Variants in CR1 observed in about 807,000 individuals in gnomAD.
CR1 encodes the protein complement receptor type 1.
In CR1, 116 loss-of-function variants were observed where a neutral mutation model predicts 187.3. That is an observed-to-expected ratio of 0.62 (90% CI 0.53 to 0.72). The LOEUF (loss-of-function observed/expected upper bound fraction) is 0.72. Ranked by LOEUF, CR1 falls within the 30% of genes least tolerant of loss-of-function variation. The pLI is 0.00. For synonymous variants in CR1, 576 were observed against 747.1 expected (o/e 0.77, Z 3.73); for missense variants, 1,731 against 2,110.7 (o/e 0.82, Z 3.52).
rs188734676 is a variant in CR1, at chr1:207,564,684, C to G, written c.3866+450C>G. On this transcript the variant is annotated intron_variant, in intron 23 of 46. Transcript: ENST00000367049. ...GGTTTGGTGGCATGTGCCTGTAATC[C>G]CAGCTACTCCGGAGGCTGAGGCACC... Among the ~76,000 whole-genome samples, 20 of 149,958 alleles carry G rather than the reference C, an allele frequency of 1.3e-4. 1 individual carries two copies. The highest frequency in any genetic ancestry group is 9.2e-4 in the Admixed American group (14 of 15,228).
chr1:207,506,868 C>G, intron 3 of CR1, 55 bp downstream of exon 3: 1 of 1,385,896 alleles, frequency 7.2e-7, no homozygotes. Context: ...CTAACACAGC[C>G]TTACTACCTT....
rs1413867879 is a variant in CR1 at position 207,511,569 on chromosome 1, A to G, written c.402A>G (p.Gly134=). Residue 134 remains glycine, a splice_region_variant and synonymous_variant, in exon 4 of 47, where the codon GGA becomes GGG. Transcript: ENST00000367049. ...GSQIKYSCTK[G]YRLIGSSSAT... The stretch of plus-strand genomic sequence containing the variant: ...AACATTCCTTATTTTTTGCCTCTAG[A>G]TACCGACTCATTGGTTCCTCGTCTG... The G allele has an allele frequency of 6.2e-7, 1 of 1,612,656 alleles. No individual in the cohort carries two copies. Among genetic ancestry groups the G allele is most frequent in the Non-Finnish European group, 8.5e-7 (1 of 1,179,014 alleles).
intron 1 of CR1, 60 bp from the exon 2 acceptor site, chr1:207,505,842 GAA>G (rs55717835): frequency 4.4e-5 from 63 of 1,430,416 alleles, no homozygotes; most frequent in Non-Finnish European, 5.6e-5. Flanking sequence ...TCTCAAAAAA[GAA>G]AAAAAAAAGT....
In CR1 at chr1:207,567,959, T is replaced by G. The variant is rs781556299; in HGVS notation, c.4088T>G (p.Ile1363Ser). The G allele has an allele frequency of 6.2e-7, 1 of 1,610,218 alleles. No homozygotes were observed. Among genetic ancestry groups the G allele is most frequent in the Admixed American group, 1.7e-5 (1 of 59,904 alleles). Residue 1363 changes from isoleucine (I) to serine (S), a missense_variant, in exon 25 of 47, where the codon ATT (isoleucine) becomes AGT (serine). Ile to Ser is a moderately radical substitution (Grantham distance 142). Around this residue, in one of 5 missense-constraint regions of CR1, gnomAD observed 1,312 missense variants for 1,379.6 expected, o/e 0.95. Coordinates refer to ENST00000367049, the MANE Select transcript of CR1 (RefSeq NM_000651.6). ...HPDRGTSFDL[I>S]GESTIRCTSD... ...GACAGAGGGACGAGCTTCGACCTCA[T>G]TGGAGAGAGCACCATCCGCTGCACA...
intron 41 of CR1, among the ~76,000 whole-genome samples, 154 bp downstream of exon 41, chr1:207,616,956 A>C (rs1662118156): frequency 6.6e-6 from 1 of 152,178 alleles, no homozygotes; most frequent in African/African-American, 2.4e-5. Flanking sequence ...CAAACGGGTT[A>C]TAGATAGGCA....
chr1:207,587,430 A>T lies in CR1; in HGVS notation c.5575A>T (p.Ile1859Phe). ...GCAGTTTCCATTTGCCAGTCCTACG[A>T]TCCCAATTAATGACTTTGAGTTTCC... Reference protein sequence around the residue: ...PEQFPFASPTIPINDFEFPVG... With the variant: ...PEQFPFASPTFPINDFEFPVG... Residue 1859 changes from isoleucine to phenylalanine, a missense_variant, in exon 34 of 47, where the codon ATC (isoleucine) becomes TTC (phenylalanine). Around this residue, in one of 5 missense-constraint regions of CR1, gnomAD observed 1,312 missense variants for 1,379.6 expected, o/e 0.95. Transcript: ENST00000367049. 1 of 1,613,946 alleles carries T rather than the reference A, an allele frequency of 6.2e-7. No homozygotes were observed. Among genetic ancestry groups the T allele is most frequent in the Non-Finnish European group, 8.5e-7 (1 of 1,179,818 alleles).
At chr1:207,582,036 CTTTCTG>C (rs750090792) in intron 32 of CR1, 33 bp downstream of exon 32, 1 of 1,516,904 alleles carries the variant, frequency 6.6e-7, no homozygotes, top group Admixed American at 1.7e-5. Flanking sequence ...CAGTCTGGAT[CTTTCTG>C]TTTTTTTCTT....
chr1:207,595,401 C>A (rs965481862), intron 35 of CR1, among the ~76,000 whole-genome samples: 1 of 151,992 alleles, frequency 6.6e-6, no homozygotes, highest in African/African-American at 2.4e-5. Flanking sequence ...CTAGACAAAT[C>A]AAGATTAACA....
intron 4 of CR1, among the ~76,000 whole-genome samples, chr1:207,512,723 C>T (rs540525035): frequency 6.6e-6 from 1 of 152,092 alleles, no homozygotes; most frequent in Admixed American, 6.5e-5. Flanking sequence ...AATTGGGAAA[C>T]CTTCCATCTT....
At chr1:207,590,050 G>A (rs1411022389) in intron 35 of CR1, among the ~76,000 whole-genome samples, 2 of 152,186 alleles carry the variant, frequency 1.3e-5, no homozygotes, top group Non-Finnish European at 2.9e-5. Context: ...ATATTATCCA[G>A]GAGAACTGCC....
chr1:207,596,327 A>G (rs190336381), intron 35 of CR1, among the ~76,000 whole-genome samples: 2 of 152,142 alleles, frequency 1.3e-5, no homozygotes, highest in East Asian at 1.9e-4. Context: ...AATACTTCTT[A>G]AAGTGGCCGG....
chr1:207,596,075 CTATATA>C (rs555640740), intron 35 of CR1, among the ~76,000 whole-genome samples: 17 of 124,556 alleles, frequency 1.4e-4, no homozygotes, highest in Non-Finnish European at 2.5e-4. Context: ...ATATCTATAT[CTATATA>C]TATATATATA....
At chr1:207,607,130 G>A (rs1044208746) in intron 35 of CR1, 121 bp from the exon 36 acceptor site, 7 of 672,174 alleles carry the variant, frequency 1.0e-5, no homozygotes, top group South Asian at 2.2e-5. Flanking sequence ...TCTTCCTTCC[G>A]AGGTCTGCCA....
chr1:207,595,683 C>G (rs1236525599), intron 35 of CR1, among the ~76,000 whole-genome samples: 2 of 151,106 alleles, frequency 1.3e-5, no homozygotes, highest in Non-Finnish European at 3.0e-5. Context: ...ATACTGCCTA[C>G]AAAAAGAAAA....
chr1:207,616,048 G>C (rs6656445), intron 40 of CR1, among the ~76,000 whole-genome samples: 9,910 of 152,214 alleles, frequency 0.065, 1,097 homozygotes, highest in African/African-American at 0.22. Flanking sequence ...TTTAATCTGA[G>C]TAAAAACAGC....
chr1:207,516,821 C>A (rs1659822938), intron 4 of CR1, among the ~76,000 whole-genome samples: 1 of 152,002 alleles, frequency 6.6e-6, no homozygotes, highest in South Asian at 2.1e-4. Context: ...GTTAAATTTA[C>A]TTATAAATTG....
Position 207,524,014 on chromosome 1 carries a change from G to C in CR1, c.886+5G>C, listed in dbSNP as rs751735930. On this transcript the variant is annotated splice_donor_5th_base_variant and intron_variant, in intron 5 of 46. Coordinates refer to ENST00000367049, the MANE Select transcript of CR1 (RefSeq NM_000651.6). ...AGCTACCAAGCTGCTCCAGGGGTGA[G>C]TCTGACTGAGGCCTAGAAGGGCCCT... 1 of 1,611,794 alleles carries C rather than the reference G, an allele frequency of 6.2e-7. No individual in the cohort carries two copies. The highest frequency in any genetic ancestry group is 8.5e-7 in the Non-Finnish European group (1 of 1,179,732).
chr1:207,626,182 C>A (rs543342464), intron 45 of CR1, among the ~76,000 whole-genome samples: 1 of 152,322 alleles, frequency 6.6e-6, no homozygotes, highest in East Asian at 1.9e-4. Flanking sequence ...TGTTAGATTT[C>A]TTTCACTCTC....
intron 29 of CR1, among the ~76,000 whole-genome samples, chr1:207,578,895 G>A (rs113430454): frequency 5.3e-5 from 8 of 152,236 alleles, no homozygotes; most frequent in African/African-American, 1.9e-4. Flanking sequence ...TAGAGTTGAT[G>A]TCCCACTCTG....
Sources: gnomAD v4.1 joint callset for allele counts (sites outside exome capture counted in the v4.1 genomes callset) on GRCh38, gnomAD v4.1.1 for gene constraint, gnomAD v4.1.1 regional missense constraint, MANE v1.5 for transcripts, NCBI Gene and HGNC (gene_info 2026-07-23, HGNC 2026-07-21) for gene names.